The following PXDC1 variants were observed in gnomAD, a reference collection of about 807,000 sequenced individuals.
PXDC1 encodes the protein PX domain-containing protein 1.
PXDC1 carries 13 observed loss-of-function variants against 24.4 expected under a neutral mutation model. The observed-to-expected ratio is 0.53, with a 90% CI of 0.35 to 0.85. The LOEUF is 0.85. Ranked by LOEUF, PXDC1 falls within the 40% of genes least tolerant of loss-of-function variation. PXDC1 has a pLI of 0.01. For missense variants in PXDC1, 344 were observed against 309.3 expected, an observed-to-expected ratio of 1.11 and a Z score of -0.84; for synonymous variants, 162 against 124.9, an observed-to-expected ratio of 1.30 and a Z score of -1.98.
chr6:3,731,565 T>C (rs1226157917), intron 3 of PXDC1, among the ~76,000 whole-genome samples: 1 of 152,242 alleles, frequency 6.6e-6, no homozygotes, highest in Non-Finnish European at 1.5e-5. Flanking sequence ...AAACTGACAT[T>C]GGCACAATTC....
chr6:3,734,370 T>C (rs1428935818), intron 3 of PXDC1, among the ~76,000 whole-genome samples: 1 of 152,214 alleles, frequency 6.6e-6, no homozygotes, highest in African/African-American at 2.4e-5. Flanking sequence ...AAGAGGACTC[T>C]GCTGCTCCTT....
At position 3,724,762 on chromosome 6, in the gene PXDC1, C is replaced by T. The variant is rs1285880017; in HGVS notation, c.579-1026G>A. ...CTTTGCCATGACCAAGATGACTGCA[C>T]AGTCCAGGCCCCTGGCCGGACACAC... On this transcript the variant is annotated intron_variant, in intron 4 of 4. Coordinates refer to ENST00000380283, the MANE Select transcript of PXDC1 (RefSeq NM_183373.4). The surrounding 1 kb of genome is among the most constrained non-coding windows in gnomAD (Gnocchi z 4.5). Among the ~76,000 whole-genome samples the T allele has an allele frequency of 6.6e-6, 1 of 152,268 alleles. No homozygotes were observed.
chr6:3,735,297 C>T (rs889882847), intron 3 of PXDC1, among the ~76,000 whole-genome samples: 8 of 152,118 alleles, frequency 5.3e-5, no homozygotes, highest in African/African-American at 1.7e-4. Context: ...AGAAATAAAT[C>T]GATATACTTA....
chr6:3,750,003 C>CCAA (rs1265215384), intron 1 of PXDC1, among the ~76,000 whole-genome samples: 2 of 152,244 alleles, frequency 1.3e-5, no homozygotes, highest in African/African-American at 4.8e-5. Context: ...GAAATAACAC[C>CCAA]CAACTGTCTG....
chr6:3,741,473 T>C (rs1457402500), intron 1 of PXDC1, among the ~76,000 whole-genome samples: 1 of 152,230 alleles, frequency 6.6e-6, no homozygotes, highest in Admixed American at 6.5e-5. Context: ...AATTCCCCAT[T>C]CCGGCTCCCG....
chr6:3,724,597 C>A lies in PXDC1; in HGVS notation c.579-861G>T, dbSNP rs994063060. On this transcript the variant is annotated intron_variant, in intron 4 of 4. Coordinates refer to ENST00000380283, the MANE Select transcript of PXDC1 (RefSeq NM_183373.4). The surrounding 1 kb of genome is among the most constrained non-coding windows in gnomAD (Gnocchi z 4.5). ...ATGAATCAGCCCAAACCCAGCAGGC[C>A]GCGTGGGAGTGTGGACAGAGGCAAG... Among the ~76,000 whole-genome samples the A allele has an allele frequency of 1.3e-5, 2 of 152,164 alleles. No homozygotes were observed. Among genetic ancestry groups the A allele is most frequent in the African/African-American group, 4.8e-5 (2 of 41,440 alleles).
At chr6:3,738,913 C>T in intron 1 of PXDC1, 1 of 1,302,390 alleles carries the variant, frequency 7.7e-7, no homozygotes, top group African/African-American at 1.5e-5. Context: ...GAAGTAGGTG[C>T]CCAAGGACAC....
In PXDC1 at chr6:3,723,399, C is replaced by T. The variant is rs1282859882; in HGVS notation, c.*220G>A. ...AGAACACAGGCCCTGTGGCCTCCGG[C>T]TGTGACCTCAGCTTGCTGGAGACTC... On this transcript the variant is annotated 3_prime_UTR_variant, in exon 5 of 5. Coordinates refer to ENST00000380283, the MANE Select transcript of PXDC1 (RefSeq NM_183373.4). 3.4e-6 allele frequency: 2 copies of T among 583,936 alleles called. No individual in the cohort carries two copies. Among genetic ancestry groups the T allele is most frequent in the East Asian group, 5.6e-5 (2 of 35,976 alleles). 36.2% of individuals were successfully genotyped at this position (583,936 alleles called of 1,614,324 possible).
In PXDC1 at chr6:3,727,629, T is replaced by C; in HGVS notation, c.500A>G (p.Asn167Ser). The change falls in exon 4 of 5, where the codon AAT becomes AGT. Residue 167 changes from asparagine (N) to serine (S), a missense_variant. Coordinates refer to ENST00000380283, the MANE Select transcript of PXDC1 (RefSeq NM_183373.4). Reference protein sequence around the residue: ...IMRSNGFCLANTETIVIDHSI... With the variant: ...IMRSNGFCLASTETIVIDHSI... ...GTGGTCAATAACTATTGTTTCGGTA[T>C]TTGCTAAACAAAATCCATTGGACCT... The C allele has an allele frequency of 6.2e-7, 1 of 1,613,904 alleles. No homozygotes were observed. The highest frequency in any genetic ancestry group is 8.5e-7 in the Non-Finnish European group (1 of 1,179,762).
chr6:3,731,838 T>C (rs1416802298), intron 3 of PXDC1, among the ~76,000 whole-genome samples: 2 of 152,208 alleles, frequency 1.3e-5, no homozygotes, highest in Admixed American at 6.5e-5. Context: ...AGGTGATGCA[T>C]TTTTGGCAGG....
At chr6:3,734,900 C>T (rs902484920) in intron 3 of PXDC1, among the ~76,000 whole-genome samples, 1 of 152,084 alleles carries the variant, frequency 6.6e-6, no homozygotes, top group Non-Finnish European at 1.5e-5. Context: ...GCTTGGGAAA[C>T]ATGGCAAAAC....
Position 3,751,322 on chromosome 6 carries a change from G to T in PXDC1, c.210C>A (p.Ala70=). ...LGRLWQRLRD[A]FPEDRSELAQ... ...CCAGTTCGGACCGGTCCTCGGGAAA[G>T]GCGTCGCGCAGGCGCTGCCACAGGC... The change falls in exon 1 of 5, where the codon GCC becomes GCA. Residue 70 remains alanine (A), a synonymous_variant. Coordinates refer to ENST00000380283, the MANE Select transcript of PXDC1 (RefSeq NM_183373.4). 6.5e-7 allele frequency: 1 copy of T among 1,549,462 alleles called. No homozygotes were observed. The highest frequency in any genetic ancestry group is 2.5e-5 in the East Asian group (1 of 40,804).
intron 1 of PXDC1, 118 bp downstream of exon 1, chr6:3,751,158 T>C: frequency 2.5e-6 from 2 of 815,110 alleles, no homozygotes; most frequent in Non-Finnish European, 3.5e-6. Flanking sequence ...AAGTGTCCCC[T>C]GTCCAGGGCG....
intron 1 of PXDC1, among the ~76,000 whole-genome samples, chr6:3,740,570 G>A (rs966129484): frequency 3.3e-5 from 5 of 152,286 alleles, no homozygotes; most frequent in South Asian, 2.1e-4. Context: ...TCTGGAAACC[G>A]TGTTAGGATT....
At chr6:3,738,828 T>C (rs764871050) in intron 1 of PXDC1, 15 of 1,303,336 alleles carry the variant, frequency 1.2e-5, no homozygotes, top group Non-Finnish European at 1.5e-5. Flanking sequence ...CGGGTGCTTT[T>C]CTATCTCCCC....
intron 1 of PXDC1, among the ~76,000 whole-genome samples, chr6:3,739,807 A>G (rs2127600833): frequency 6.6e-6 from 1 of 152,346 alleles, no homozygotes; most frequent in East Asian, 1.9e-4. Flanking sequence ...CAATTTACAT[A>G]GAATTTCAAA....
chr6:3,723,590 C>G lies in PXDC1; in HGVS notation c.*29G>C, dbSNP rs1320460146. On this transcript the variant is annotated 3_prime_UTR_variant, in exon 5 of 5. Transcript: ENST00000380283. The stretch of plus-strand genomic sequence containing the variant: ...CAGCATCAGAGCTGGCAGTGAACAG[C>G]TGAGGCGGGGGAGGCCTGATAGAGA... The G allele has an allele frequency of 6.5e-7, 1 of 1,532,602 alleles. No individual in the cohort carries two copies. Among genetic ancestry groups the G allele is most frequent in the East Asian group, 2.2e-5 (1 of 44,534 alleles). The allele number at this position is 1,532,602 out of a possible 1,614,324, so 94.9% of individuals were successfully genotyped here.
At position 3,751,401 on chromosome 6, in the gene PXDC1, T is replaced by C; in HGVS notation, c.131A>G (p.Glu44Gly). 1 of 1,575,044 alleles carries C rather than the reference T, an allele frequency of 6.3e-7. No individual in the cohort carries two copies. The highest frequency in any genetic ancestry group is 1.4e-5 in the African/African-American group (1 of 73,980). ...DEEEFFEIRTEWSDRSVLYLH... is the reference protein window; with the variant it reads ...DEEEFFEIRTGWSDRSVLYLH... ...GTAGAGCACGCTGCGGTCCGACCAC[T>C]CCGTGCGGATCTCGAAGAACTCCTC... Residue 44 changes from glutamate to glycine, a missense_variant, in exon 1 of 5, where the codon GAG becomes GGG. Coordinates refer to ENST00000380283, the MANE Select transcript of PXDC1 (RefSeq NM_183373.4).
In PXDC1 at chr6:3,738,100, T is replaced by G. The variant is rs1022147779; in HGVS notation, c.305A>C (p.Glu102Ala). 1.9e-6 allele frequency: 3 copies of G among 1,613,944 alleles called. No homozygotes were observed. Among genetic ancestry groups the G allele is most frequent in the Non-Finnish European group, 2.5e-6 (3 of 1,180,004 alleles). Residue 102 changes from glutamate (E) to alanine (A), a missense_variant, in exon 2 of 5, where the codon GAG (glutamate) becomes GCG (alanine). Glu to Ala is a moderately radical substitution (Grantham distance 107). Coordinates refer to ENST00000380283, the MANE Select transcript of PXDC1 (RefSeq NM_183373.4). ...GATCGTCTTCAGCAGCTTCTCCACC[T>G]CATTAAGCCTGGTCTCTATGTCGTG... ...EAHDIETRLN[E>A]VEKLLKTIIS...
Sources: gnomAD v4.1 joint callset for allele counts (sites outside exome capture counted in the v4.1 genomes callset) on GRCh38, gnomAD v4.1.1 for gene constraint, Gnocchi (gnomAD v3.1) non-coding constraint, MANE v1.5 for transcripts, NCBI Gene and HGNC (gene_info 2026-07-23, HGNC 2026-07-21) for gene names.